SULF1: variants seen among roughly 807,000 people sequenced by gnomAD.
SULF1 encodes the protein sulfatase 1, also known as extracellular sulfatase Sulf-1.
In SULF1, 46 loss-of-function variants were observed where a neutral mutation model predicts 110.5. The observed-to-expected ratio is 0.42, with a 90% CI of 0.33 to 0.53. SULF1 has a LOEUF of 0.53. Ranked by LOEUF, SULF1 falls within the 20% of genes least tolerant of loss-of-function variation. SULF1 has a pLI of 0.12. For missense variants in SULF1, 941 were observed against 1,094.2 expected, an observed-to-expected ratio of 0.86 and a Z score of 1.98; for synonymous variants, 371 against 387.1, an observed-to-expected ratio of 0.96 and a Z score of 0.49.
intron 3 of SULF1, among the ~76,000 whole-genome samples, chr8:69,518,438 A>G (rs1812080217): frequency 6.6e-6 from 1 of 152,168 alleles, no homozygotes; most frequent in Non-Finnish European, 1.5e-5. Context: ...ATGTCTAGTA[A>G]TACTTAATTG....
At chr8:69,499,997 C>A (rs1270940428) in intron 2 of SULF1, among the ~76,000 whole-genome samples, 3 of 152,134 alleles carry the variant, frequency 2.0e-5, no homozygotes. Flanking sequence ...AGCAATCCTC[C>A]CATCTCAGCC....
chr8:69,581,971 C>A (rs1462007793), intron 6 of SULF1, among the ~76,000 whole-genome samples: 1 of 148,756 alleles, frequency 6.7e-6, no homozygotes, highest in Non-Finnish European at 1.5e-5. Flanking sequence ...CACAGAGACA[C>A]CAAAAACCTG....
At chr8:69,654,075 A>C (rs1812543113) in intron 22 of SULF1, among the ~76,000 whole-genome samples, 1 of 152,238 alleles carries the variant, frequency 6.6e-6, no homozygotes, top group Non-Finnish European at 1.5e-5. Flanking sequence ...GCTTAGCAAT[A>C]TATGACCTCA....
intron 2 of SULF1, among the ~76,000 whole-genome samples, chr8:69,498,909 A>G (rs1376252939): frequency 3.9e-5 from 6 of 152,322 alleles, no homozygotes; most frequent in Non-Finnish European, 7.3e-5. Flanking sequence ...CCCAGGTTGG[A>G]GTGCAGTGGC....
chr8:69,616,196 A>G (rs1431270963), intron 13 of SULF1, among the ~76,000 whole-genome samples: 1 of 142,874 alleles, frequency 7.0e-6, no homozygotes, highest in African/African-American at 2.6e-5. Context: ...ATATATACAC[A>G]TATATATGTG....
chr8:69,542,173 A>G (rs1348405430), intron 3 of SULF1, among the ~76,000 whole-genome samples: 1 of 152,194 alleles, frequency 6.6e-6, no homozygotes, highest in Non-Finnish European at 1.5e-5. Context: ...CCTCATTGAC[A>G]TAACTTCTGG....
At chr8:69,657,185 T>C (rs1379751432) in intron 22 of SULF1, among the ~76,000 whole-genome samples, 1 of 152,226 alleles carries the variant, frequency 6.6e-6, no homozygotes, top group African/African-American at 2.4e-5. Flanking sequence ...TTTTATTTTA[T>C]TATTATTTGG....
intron 13 of SULF1, among the ~76,000 whole-genome samples, chr8:69,614,965 G>C (rs1321107987): frequency 6.6e-6 from 1 of 152,232 alleles, no homozygotes; most frequent in East Asian, 1.9e-4. Flanking sequence ...AAAACAATTT[G>C]CAGAAGGAAT....
In SULF1 at chr8:69,586,402, C is replaced by G; in HGVS notation, c.458C>G (p.Pro153Arg). ...YLNEYNGSYI[P>R]PGWREWLGLI... ...AATGAATATAATGGCAGCTACATCC[C>G]CCCTGGGTGGCGAGAATGGCTTGGA... The change falls in exon 7 of 23, where the codon CCC becomes CGC. Residue 153 changes from proline to arginine, a missense_variant. Around this residue, in one of 3 missense-constraint regions of SULF1, gnomAD observed 822 missense variants for 934.3 expected, o/e 0.88. Transcript: ENST00000402687. 1.9e-6 allele frequency: 3 copies of G among 1,609,278 alleles called. No individual in the cohort carries two copies. The highest frequency in any genetic ancestry group is 2.5e-6 in the Non-Finnish European group (3 of 1,178,380).
At chr8:69,626,150 CAAGG>C (rs1810003457) in intron 15 of SULF1, 3 of 45,824 alleles carry the variant, frequency 6.5e-5, no homozygotes, top group South Asian at 4.5e-4. Flanking sequence ...AAAGGTTCTC[CAAGG>C]CCCCACCAGA....
intron 13 of SULF1, among the ~76,000 whole-genome samples, chr8:69,616,842 C>G (rs936656058): frequency 6.6e-6 from 1 of 151,996 alleles, no homozygotes; most frequent in Admixed American, 6.6e-5. Flanking sequence ...CGTGAGCCAC[C>G]ACACCCGGCC....
Position 69,586,618 on chromosome 8 carries a change from A to G in SULF1, c.564+110A>G, listed in dbSNP as rs1449096508. ...AAGATTGGCTTTCTATGTTCTCACA[A>G]TGTTAGCATGAGAAATGTTAAGGTA... On this transcript the variant is annotated intron_variant, in intron 7 of 22. Transcript: ENST00000402687. The G allele has an allele frequency of 2.5e-6, 3 of 1,176,874 alleles. No individual in the cohort carries two copies. The African/African-American group carries it at 4.8e-5, about 19-fold the overall frequency. 72.9% of individuals were successfully genotyped at this position (1,176,874 alleles called of 1,614,324 possible).
upstream of SULF1, among the ~76,000 whole-genome samples, chr8:69,492,018 G>A (rs1014274815): frequency 2.1e-5 from 3 of 143,986 alleles, no homozygotes; most frequent in Admixed American, 1.4e-4. Flanking sequence ...TTTAGAGAAT[G>A]ATTCACATTA....
intron 4 of SULF1, 31 bp from the exon 5 acceptor site, chr8:69,563,885 T>C (rs1374321762): frequency 7.4e-7 from 1 of 1,350,704 alleles, no homozygotes; most frequent in Non-Finnish European, 1.0e-6. Flanking sequence ...CATTTTAGTC[T>C]CACCGTCTCC....
intron 1 of SULF1, among the ~76,000 whole-genome samples, chr8:69,477,897 A>T (rs1809368280): frequency 6.6e-6 from 1 of 151,922 alleles, no homozygotes; most frequent in Non-Finnish European, 1.5e-5. Flanking sequence ...TCGCTCTGTC[A>T]CTCAGGCAGG....
At chr8:69,565,355 A>G (rs1054523811) in intron 5 of SULF1, among the ~76,000 whole-genome samples, 4 of 152,148 alleles carry the variant, frequency 2.6e-5, no homozygotes, top group African/African-American at 9.7e-5. Flanking sequence ...AAATGTTTTC[A>G]TTCACTTACA....
At chr8:69,477,435 T>C (rs1809344712) in intron 1 of SULF1, among the ~76,000 whole-genome samples, 1 of 152,216 alleles carries the variant, frequency 6.6e-6, no homozygotes, top group South Asian at 2.1e-4. Flanking sequence ...ACCACTGTCA[T>C]AACCCCTTTG....
At chr8:69,630,969 TG>T (rs761792956) in intron 19 of SULF1, among the ~76,000 whole-genome samples, 15 of 145,588 alleles carry the variant, frequency 1.0e-4, no homozygotes, top group Middle Eastern at 3.5e-3. Flanking sequence ...CCCTCCCCCC[TG>T]CCCCCACCCT....
intron 8 of SULF1, among the ~76,000 whole-genome samples, chr8:69,598,510 G>A (rs938342251): frequency 6.6e-6 from 1 of 152,148 alleles, no homozygotes; most frequent in African/African-American, 2.4e-5. Context: ...TCCTGCCTCA[G>A]CCTCCTGAGT....
Sources: allele counts gnomAD v4.1 joint callset (sites outside exome capture counted in the v4.1 genomes callset), GRCh38; gene constraint gnomAD v4.1.1; regional missense constraint gnomAD v4.1.1; transcripts MANE v1.5; gene names NCBI Gene and HGNC (gene_info 2026-07-23, HGNC 2026-07-21).